The following RANBP2 variants were observed in gnomAD, a reference collection of about 807,000 sequenced individuals.
RANBP2 encodes the protein RAN binding protein 2.
RANBP2 carries 57 observed loss-of-function variants against 303.6 expected under a neutral mutation model. That is an observed-to-expected ratio of 0.19 (90% CI 0.15 to 0.23). The LOEUF is 0.23. Among genes scored for constraint, RANBP2 ranks in the 10% least tolerant of loss-of-function variants. The pLI, the probability that RANBP2 is intolerant of heterozygous loss-of-function variation, is 1.00. For missense variants in RANBP2, 3,138 were observed against 3,780.8 expected, an observed-to-expected ratio of 0.83 and a Z score of 4.46; for synonymous variants, 1,167 against 1,301.5, an observed-to-expected ratio of 0.90 and a Z score of 2.23.
chr2:109,271,111 G>A, the RANBP2 span, among the ~76,000 whole-genome samples: 2 of 152,286 alleles, frequency 1.3e-5, no homozygotes, highest in South Asian at 2.1e-4. Context: ...CCCAGCCAGC[G>A]AACGGGGCGA....
chr2:109,079,408 G>T, the RANBP2 span, among the ~76,000 whole-genome samples: 1 of 152,060 alleles, frequency 6.6e-6, no homozygotes, highest in South Asian at 2.1e-4. Context: ...TTAAGTTTTG[G>T]GGGAGTCAAA....
chr2:108,871,446 G>A, the RANBP2 span, among the ~76,000 whole-genome samples: 1 of 151,634 alleles, frequency 6.6e-6, no homozygotes, highest in Admixed American at 6.6e-5. Context: ...CCAGTTACTC[G>A]GGAGGCAAGG....
At chr2:109,694,897 C>A in the RANBP2 span, among the ~76,000 whole-genome samples, 1 of 150,736 alleles carries the variant, frequency 6.6e-6, no homozygotes, top group African/African-American at 2.5e-5. Context: ...TTCAGTCCCA[C>A]TCTCGGTTTC....
the RANBP2 span, among the ~76,000 whole-genome samples, chr2:109,088,505 G>A: frequency 6.6e-6 from 1 of 151,686 alleles, no homozygotes; most frequent in Non-Finnish European, 1.5e-5. Context: ...AAACAATGCT[G>A]TCTTTATTAT....
At chr2:109,622,264 T>C in the RANBP2 span, among the ~76,000 whole-genome samples, 1 of 152,308 alleles carries the variant, frequency 6.6e-6, no homozygotes, top group East Asian at 1.9e-4. Flanking sequence ...CAGTTCAGCT[T>C]TGTGCTCAGG....
At chr2:109,435,595 G>A in the RANBP2 span, among the ~76,000 whole-genome samples, 2 of 152,192 alleles carry the variant, frequency 1.3e-5, no homozygotes, top group East Asian at 1.9e-4. Context: ...GTGAGGGCAC[G>A]CACTAAGGAA....
chr2:108,888,484 C>T, the RANBP2 span, among the ~76,000 whole-genome samples: 1 of 151,926 alleles, frequency 6.6e-6, no homozygotes, highest in Non-Finnish European at 1.5e-5. Context: ...AGTTTGAATC[C>T]ATTTAGTCCT....
Position 108,781,251 on chromosome 2 carries a change from T to C in RANBP2, c.8600-18T>C, listed in dbSNP as rs747999020. 1.9e-6 allele frequency: 3 copies of C among 1,613,720 alleles called. No homozygotes were observed. The highest frequency in any genetic ancestry group is 1.1e-5 in the South Asian group (1 of 91,066). On this transcript the variant is annotated intron_variant, in intron 25 of 28. Coordinates refer to ENST00000283195, the MANE Select transcript of RANBP2 (RefSeq NM_006267.5). ...AAAAATAGATACTAGTGTTTAAATA[T>C]CCTGATTTATTCATCAGATAAAAAT...
chr2:109,589,642 T>C, the RANBP2 span, among the ~76,000 whole-genome samples: 6 of 152,214 alleles, frequency 3.9e-5, no homozygotes, highest in Non-Finnish European at 7.3e-5. Context: ...AGAAATGGAA[T>C]GCTGATAAAT....
the RANBP2 span, among the ~76,000 whole-genome samples, chr2:109,462,919 G>T: frequency 6.6e-6 from 1 of 152,196 alleles, no homozygotes; most frequent in Non-Finnish European, 1.5e-5. Flanking sequence ...CAGATCCAGT[G>T]TCCAGCTGTC....
chr2:109,024,036 C>T, the RANBP2 span, among the ~76,000 whole-genome samples: 4 of 152,186 alleles, frequency 2.6e-5, no homozygotes, highest in Non-Finnish European at 5.9e-5. Flanking sequence ...AGCGATTCTC[C>T]TGCCTCAGCC....
chr2:109,547,581 G>T, the RANBP2 span, among the ~76,000 whole-genome samples: 1 of 152,010 alleles, frequency 6.6e-6, no homozygotes, highest in African/African-American at 2.4e-5. Flanking sequence ...CATATAAAGG[G>T]AGCAATGTCA....
chr2:109,109,236 A>G, the RANBP2 span, among the ~76,000 whole-genome samples: 85 of 152,340 alleles, frequency 5.6e-4, no homozygotes, highest in Admixed American at 3.5e-3. Flanking sequence ...AAAGCAGGGC[A>G]CCTTTCCGAG....
At chr2:109,129,421 G>C in the RANBP2 span, 1 of 1,463,796 alleles carries the variant, frequency 6.8e-7, no homozygotes, top group Non-Finnish European at 9.1e-7. Flanking sequence ...CCACCAGCCG[G>C]GGTGAAGAAA....
chr2:109,563,245 C>T, the RANBP2 span, among the ~76,000 whole-genome samples: 2 of 152,078 alleles, frequency 1.3e-5, no homozygotes, highest in African/African-American at 2.4e-5. Flanking sequence ...CATTATGCTA[C>T]CAGAAGTGAA....
chr2:109,369,140 C>T, the RANBP2 span, among the ~76,000 whole-genome samples: 11 of 150,780 alleles, frequency 7.3e-5, no homozygotes, highest in Non-Finnish European at 1.0e-4. Context: ...GTCAGGGGAT[C>T]GAGACCATCC....
the RANBP2 span, among the ~76,000 whole-genome samples, chr2:109,551,694 C>A: frequency 6.6e-6 from 1 of 152,164 alleles, no homozygotes; most frequent in Non-Finnish European, 1.5e-5. Context: ...AATTAGTAAA[C>A]TATTACTTTT....
At chr2:109,562,999 C>T in the RANBP2 span, among the ~76,000 whole-genome samples, 1 of 152,130 alleles carries the variant, frequency 6.6e-6, no homozygotes, top group African/African-American at 2.4e-5. Context: ...TAAACTCTGC[C>T]TCCCAGGTTC....
At chr2:109,470,343 G>A in the RANBP2 span, among the ~76,000 whole-genome samples, 1 of 152,128 alleles carries the variant, frequency 6.6e-6, no homozygotes, top group South Asian at 2.1e-4. Context: ...TGCTCCATCT[G>A]GAAAAGATCA....
Sources: allele counts gnomAD v4.1 joint callset (sites outside exome capture counted in the v4.1 genomes callset), GRCh38; gene constraint gnomAD v4.1.1; transcripts MANE v1.5; gene names NCBI Gene and HGNC (gene_info 2026-07-23, HGNC 2026-07-21).